PRKG1: variants seen among roughly 807,000 people sequenced by gnomAD.
PRKG1 encodes protein kinase cGMP-dependent 1, also known as cGMP-dependent protein kinase 1.
In PRKG1, 35 loss-of-function variants were observed where a neutral mutation model predicts 88.1. The ratio of observed to expected loss-of-function variants is 0.40; its 90% CI spans 0.30 to 0.53. The LOEUF is 0.53. Among genes scored for constraint, PRKG1 ranks in the 20% least tolerant of loss-of-function variants. PRKG1 has a pLI of 0.59. For missense variants in PRKG1, 540 were observed against 839.8 expected (o/e 0.64, Z 4.41); for synonymous variants, 303 against 292.5 (o/e 1.04, Z -0.37).
chr10:52,137,095 G>T (rs1410485721), intron 8 of PRKG1, among the ~76,000 whole-genome samples: 1 of 152,040 alleles, frequency 6.6e-6, no homozygotes, highest in Non-Finnish European at 1.5e-5. Context: ...CAAACAGATG[G>T]CAGACATTAG....
intron 2 of PRKG1, among the ~76,000 whole-genome samples, chr10:51,439,674 G>A (rs1175611356): frequency 3.3e-5 from 5 of 151,864 alleles, no homozygotes; most frequent in African/African-American, 1.2e-4. Context: ...CTAAAATTTT[G>A]ACCTTGCAAA....
intron 4 of PRKG1, among the ~76,000 whole-genome samples, chr10:51,899,138 T>C (rs1242275230): frequency 6.6e-6 from 1 of 152,136 alleles, no homozygotes; most frequent in Non-Finnish European, 1.5e-5. Flanking sequence ...ATCTTGTAGG[T>C]ATTCCGTGTT....
chr10:51,810,387 A>C (rs1486683591), intron 4 of PRKG1, among the ~76,000 whole-genome samples: 1 of 152,178 alleles, frequency 6.6e-6, no homozygotes, highest in African/African-American at 2.4e-5. Context: ...ACCAAAATCC[A>C]AAACTGATGT....
At chr10:51,543,185 T>C (rs1197179158) in intron 3 of PRKG1, among the ~76,000 whole-genome samples, 1 of 152,194 alleles carries the variant, frequency 6.6e-6, no homozygotes, top group Admixed American at 6.6e-5. Context: ...TAACTGAGGA[T>C]ATAATGTGCT....
In PRKG1 at chr10:51,553,767, A is replaced by G. The variant is rs989615841; in HGVS notation, c.592+85931A>G. Among the ~76,000 whole-genome samples the G allele has an allele frequency of 8.3e-5, 11 of 133,092 alleles. No homozygotes were observed. The South Asian group carries it at 2.7e-3, about 33-fold the overall frequency. The allele number at this position is 133,092 out of a possible 152,430, so 87.3% of individuals were successfully genotyped here. On this transcript the variant is annotated intron_variant, in intron 3 of 17. Transcript: ENST00000373980. ...ATATATGTATATATTAGATACGTGT[A>G]TATAATATATGTATATATTAGATAC...
chr10:51,365,603 T>C (rs1475394916), intron 2 of PRKG1, among the ~76,000 whole-genome samples: 2 of 151,932 alleles, frequency 1.3e-5, no homozygotes, highest in Admixed American at 6.6e-5. Flanking sequence ...CAACATGTGG[T>C]GAAAGGATGC....
chr10:51,613,011 T>C (rs1838951147), intron 3 of PRKG1, among the ~76,000 whole-genome samples: 1 of 152,054 alleles, frequency 6.6e-6, no homozygotes, highest in Admixed American at 6.5e-5. Context: ...GATGTTGGAT[T>C]TGGTTTGCTA....
intron 4 of PRKG1, among the ~76,000 whole-genome samples, chr10:51,823,920 C>T (rs1341775712): frequency 8.5e-6 from 1 of 118,326 alleles, no homozygotes; most frequent in African/African-American, 3.3e-5. Flanking sequence ...GTCACCTGGG[C>T]TAGAGTGCAG....
chr10:51,689,370 A>G (rs1166623322), intron 3 of PRKG1, among the ~76,000 whole-genome samples: 1 of 152,182 alleles, frequency 6.6e-6, no homozygotes, highest in Non-Finnish European at 1.5e-5. Context: ...GTTTGTGCCT[A>G]TATGCATATT....
At chr10:52,243,681 A>C (rs973226970) in intron 9 of PRKG1, among the ~76,000 whole-genome samples, 4 of 152,082 alleles carry the variant, frequency 2.6e-5, no homozygotes, top group Admixed American at 2.6e-4. Context: ...TGGTTTACCC[A>C]GGTGCAAAAT....
At chr10:51,974,591 T>C (rs1372120519) in intron 5 of PRKG1, among the ~76,000 whole-genome samples, 1 of 152,172 alleles carries the variant, frequency 6.6e-6, no homozygotes, top group Non-Finnish European at 1.5e-5. Context: ...CTCTTTCATA[T>C]GTCCATATGC....
intron 2 of PRKG1, among the ~76,000 whole-genome samples, chr10:51,452,759 A>G (rs1839472890): frequency 6.6e-6 from 1 of 151,602 alleles, no homozygotes; most frequent in South Asian, 2.1e-4. Flanking sequence ...TTTATGTTTT[A>G]ATTATGTCCC....
intron 3 of PRKG1, among the ~76,000 whole-genome samples, chr10:51,693,585 A>G (rs1259625194): frequency 6.6e-6 from 1 of 151,938 alleles, no homozygotes; most frequent in Non-Finnish European, 1.5e-5. Context: ...TATTTTTAGT[A>G]GAGATGGGGT....
chr10:51,705,777 C>T (rs1841590604), intron 3 of PRKG1, among the ~76,000 whole-genome samples: 2 of 152,166 alleles, frequency 1.3e-5, no homozygotes, highest in South Asian at 4.1e-4. Flanking sequence ...TGTCAACTAG[C>T]AGAACGAGGA....
rs569008570 is a variant in PRKG1, at chr10:51,318,523, G to T, written c.479-149200G>T. ...TAAATAAGTATAAGTATATGGTAAA[G>T]ACTTTCAGTGCTGTGGAAATACTGA... is the stretch of plus-strand genomic sequence containing the variant. On this transcript the variant is annotated intron_variant, in intron 2 of 17. Coordinates refer to ENST00000373980, the MANE Select transcript of PRKG1 (RefSeq NM_006258.4). Among the ~76,000 whole-genome samples the T allele has an allele frequency of 2.6e-5, 4 of 152,262 alleles. No individual in the cohort carries two copies. The East Asian group carries it at 7.7e-4, about 29-fold the overall frequency.
chr10:51,236,621 G>C (rs1838997632), intron 2 of PRKG1, among the ~76,000 whole-genome samples: 1 of 151,784 alleles, frequency 6.6e-6, no homozygotes. Flanking sequence ...TCCTGGCTCA[G>C]CCTCCCGAGC....
At chr10:51,047,712 C>T (rs537500125) in intron 1 of PRKG1, among the ~76,000 whole-genome samples, 1 of 151,848 alleles carries the variant, frequency 6.6e-6, no homozygotes, top group Admixed American at 6.6e-5. Context: ...CCCTATCATC[C>T]CTGGGGCCAA....
chr10:51,196,221 A>G (rs1289498440), intron 2 of PRKG1, among the ~76,000 whole-genome samples: 1 of 152,188 alleles, frequency 6.6e-6, no homozygotes, highest in Non-Finnish European at 1.5e-5. Flanking sequence ...GATGGGAGTT[A>G]GTTTTATCAA....
intron 2 of PRKG1, among the ~76,000 whole-genome samples, chr10:51,287,226 T>C (rs893526036): frequency 6.6e-6 from 1 of 152,208 alleles, no homozygotes; most frequent in Non-Finnish European, 1.5e-5. Context: ...TTCCACCATT[T>C]ATTCATTTGT....
Sources: gnomAD v4.1 joint callset for allele counts (sites outside exome capture counted in the v4.1 genomes callset) on GRCh38, gnomAD v4.1.1 for gene constraint, MANE v1.5 for transcripts, NCBI Gene and HGNC (gene_info 2026-07-23, HGNC 2026-07-21) for gene names.